Variants in PXDNL observed in about 807,000 individuals in gnomAD.
The protein encoded by PXDNL is peroxidasin like, also known as probable oxidoreductase PXDNL.
PXDNL carries 145 observed loss-of-function variants against 150.8 expected under a neutral mutation model. The observed-to-expected ratio is 0.96, with a 90% CI of 0.84 to 1.10. The LOEUF (loss-of-function observed/expected upper bound fraction) is 1.10. PXDNL is among the 50% of genes least tolerant of loss of function. PXDNL has a pLI of 0.00. For synonymous variants in PXDNL, 757 were observed against 725.7 expected (o/e 1.04, Z -0.69); for missense variants, 2,087 against 1,873.9 (o/e 1.11, Z -2.10).
intron 3 of PXDNL, among the ~76,000 whole-genome samples, chr8:51,569,676 A>G (rs1446484184): frequency 1.3e-5 from 2 of 151,912 alleles, no homozygotes; most frequent in Non-Finnish European, 2.9e-5. Flanking sequence ...ATATTTACTC[A>G]TCATATTTTT....
At chr8:51,781,635 A>G (rs2037416043) in intron 1 of PXDNL, among the ~76,000 whole-genome samples, 1 of 152,226 alleles carries the variant, frequency 6.6e-6, no homozygotes, top group Admixed American at 6.5e-5. Context: ...GCATTCACAT[A>G]AAACATGTTT....
chr8:51,572,187 T>C (rs1043194224), intron 3 of PXDNL, among the ~76,000 whole-genome samples: 1 of 151,844 alleles, frequency 6.6e-6, no homozygotes, highest in Non-Finnish European at 1.5e-5. Context: ...GCATAAATAA[T>C]TGCATGAAAA....
At chr8:51,768,257 GT>G (rs1489928092) in intron 1 of PXDNL, among the ~76,000 whole-genome samples, 1 of 149,678 alleles carries the variant, frequency 6.7e-6, no homozygotes, top group African/African-American at 2.4e-5. Flanking sequence ...GATTTTATCA[GT>G]GTTTTTTTTT....
Position 51,409,149 on chromosome 8 carries a change from G to A in PXDNL, c.2475C>T (p.Arg825=), listed in dbSNP as rs745877779. ...AGCTGCACGGCCGCCCATCCGAGAAGCGGGCTGTGCTCAGCGCAGGCACTG... is the reference window on the plus strand; with the variant it reads ...AGCTGCACGGCCGCCCATCCGAGAAACGGGCTGTGCTCAGCGCAGGCACTG... The part of the protein sequence containing the change: ...DHTVPALSTA[R]FSDGRPCSSV... The change falls in exon 17 of 23, where the codon CGC becomes CGT. Residue 825 remains arginine (R), a synonymous_variant. Transcript: ENST00000356297. 8 of 1,603,346 alleles carry A rather than the reference G, an allele frequency of 5.0e-6. No homozygotes were observed. In the Admixed American group the frequency reaches 5.0e-5, roughly 10 times the overall value.
chr8:51,694,470 G>A (rs749116998), intron 1 of PXDNL, among the ~76,000 whole-genome samples: 2 of 152,230 alleles, frequency 1.3e-5, no homozygotes, highest in Non-Finnish European at 2.9e-5. Flanking sequence ...AGGAACTTAG[G>A]TGCCCACGTT....
At chr8:51,681,797 A>G (rs1815756639) in intron 1 of PXDNL, among the ~76,000 whole-genome samples, 1 of 152,216 alleles carries the variant, frequency 6.6e-6, no homozygotes, top group Admixed American at 6.5e-5. Flanking sequence ...TTTGTAGCAC[A>G]TGGTCTGCAC....
chr8:51,690,379 T>C (rs985694744), intron 1 of PXDNL, among the ~76,000 whole-genome samples: 2 of 152,166 alleles, frequency 1.3e-5, no homozygotes, highest in African/African-American at 2.4e-5. Context: ...GTCCAAGTGT[T>C]CTCATTGTTC....
chr8:51,602,457 A>C (rs1813743990), intron 2 of PXDNL, among the ~76,000 whole-genome samples: 1 of 152,024 alleles, frequency 6.6e-6, no homozygotes, highest in Non-Finnish European at 1.5e-5. Context: ...TTATCTGCTT[A>C]GTCCACATAA....
chr8:51,468,416 C>G lies in PXDNL; in HGVS notation c.812+3771G>C, dbSNP rs188226869. On this transcript the variant is annotated intron_variant, in intron 8 of 22. Coordinates refer to ENST00000356297, the MANE Select transcript of PXDNL (RefSeq NM_144651.5). Reference sequence around the variant, plus strand: ...TGATTACACTATAATAGTCTTACATCATCCTTATCTTGATCAGTATAACTT... The same window carrying G: ...TGATTACACTATAATAGTCTTACATGATCCTTATCTTGATCAGTATAACTT... Among the ~76,000 whole-genome samples, 42 of 151,966 alleles carry G rather than the reference C, an allele frequency of 2.8e-4. No homozygotes were observed. In the East Asian group the frequency reaches 7.3e-3, roughly 27 times the overall value.
At chr8:51,480,204 T>A (rs908667418) in intron 6 of PXDNL, among the ~76,000 whole-genome samples, 1 of 152,124 alleles carries the variant, frequency 6.6e-6, no homozygotes, top group African/African-American at 2.4e-5. Context: ...ACAACAAAAG[T>A]GGCCTCTGTA....
At chr8:51,543,670 C>T (rs1003723477) in intron 4 of PXDNL, among the ~76,000 whole-genome samples, 5 of 147,006 alleles carry the variant, frequency 3.4e-5, no homozygotes, top group African/African-American at 1.3e-4. Flanking sequence ...CGAGATCACG[C>T]CATTGCACTC....
chr8:51,575,489 T>C (rs1813032248), intron 3 of PXDNL, among the ~76,000 whole-genome samples: 1 of 151,630 alleles, frequency 6.6e-6, no homozygotes, highest in African/African-American at 2.4e-5. Flanking sequence ...CCAAAGTGAG[T>C]GGATCACTTG....
chr8:51,384,219 C>T (rs1053118111), intron 17 of PXDNL, among the ~76,000 whole-genome samples: 1 of 152,076 alleles, frequency 6.6e-6, no homozygotes, highest in Non-Finnish European at 1.5e-5. Flanking sequence ...TTTCCTCTGC[C>T]TCAGGATGAC....
chr8:51,465,371 A>C (rs1810182289), intron 8 of PXDNL, among the ~76,000 whole-genome samples: 1 of 151,996 alleles, frequency 6.6e-6, no homozygotes, highest in Admixed American at 6.6e-5. Context: ...TAAAAAAAAA[A>C]CCTCAACAAA....
chr8:51,614,607 G>T (rs976569094), intron 2 of PXDNL, among the ~76,000 whole-genome samples: 1 of 152,086 alleles, frequency 6.6e-6, no homozygotes, highest in Non-Finnish European at 1.5e-5. Flanking sequence ...AATTTAATTT[G>T]TCTAAAGTTT....
intron 1 of PXDNL, among the ~76,000 whole-genome samples, chr8:51,731,978 T>C (rs1219464322): frequency 6.6e-6 from 1 of 152,212 alleles, no homozygotes; most frequent in Non-Finnish European, 1.5e-5. Flanking sequence ...ATTTTCCCCA[T>C]TGTCTTGGCA....
intron 2 of PXDNL, among the ~76,000 whole-genome samples, chr8:51,601,022 C>T (rs560265357): frequency 0.011 from 1,541 of 144,432 alleles, 13 homozygotes; most frequent in South Asian, 0.024. Context: ...TAATAAATTA[C>T]ATCTTATATA....
intron 3 of PXDNL, among the ~76,000 whole-genome samples, chr8:51,576,394 A>G (rs777245332): frequency 6.6e-6 from 1 of 151,880 alleles, no homozygotes; most frequent in Non-Finnish European, 1.5e-5. Context: ...ATATCTAAAC[A>G]CTTGGAAACC....
intron 1 of PXDNL, among the ~76,000 whole-genome samples, chr8:51,781,406 C>G (rs934082921): frequency 6.6e-6 from 1 of 152,134 alleles, no homozygotes; most frequent in African/African-American, 2.4e-5. Context: ...AAAAGAGCTG[C>G]TGATTCAAAT....
Sources: allele counts gnomAD v4.1 joint callset (sites outside exome capture counted in the v4.1 genomes callset), GRCh38; gene constraint gnomAD v4.1.1; transcripts MANE v1.5; gene names NCBI Gene and HGNC (gene_info 2026-07-23, HGNC 2026-07-21).